The following PCDH7 variants were observed in gnomAD, a reference collection of about 807,000 sequenced individuals.
The protein encoded by PCDH7 is protocadherin-7.
In PCDH7, 17 loss-of-function variants were observed where a neutral mutation model predicts 58.9. That is an observed-to-expected ratio of 0.29 (90% CI 0.20 to 0.43). PCDH7 has a LOEUF of 0.43. Among genes scored for constraint, PCDH7 ranks in the 20% least tolerant of loss-of-function variants. The probability of loss-of-function intolerance (pLI) is 1.00; values close to 1 mark genes in which losing one functional copy is unlikely to be tolerated. For synonymous variants in PCDH7, 664 were observed against 616.4 expected (o/e 1.08, Z -1.14); for missense variants, 1,274 against 1,441.0 (o/e 0.88, Z 1.88).
Position 31,032,557 on chromosome 4 carries a change from G to A in PCDH7, c.*7+82342G>A, listed in dbSNP as rs530971159. Among the ~76,000 whole-genome samples, 10 of 149,098 alleles carry A rather than the reference G, an allele frequency of 6.7e-5. No homozygotes were observed. In the South Asian group the frequency reaches 8.6e-4, roughly 13 times the overall value. On this transcript the variant is annotated intron_variant, in intron 3 of 3. Transcript: ENST00000509759. ...CAGGAGGTGGAGGTTTCAGTGAGCC[G>A]AGAATGTGCCACTGCACTCCAGCCT...
At chr4:31,011,276 G>C (rs981261888) in intron 3 of PCDH7, among the ~76,000 whole-genome samples, 1 of 151,998 alleles carries the variant, frequency 6.6e-6, no homozygotes, top group Admixed American at 6.6e-5. Flanking sequence ...TTAAAGTACT[G>C]TGCCGCTGTA....
chr4:30,831,032 A>G (rs1451257223), intron 1 of PCDH7, among the ~76,000 whole-genome samples: 1 of 152,082 alleles, frequency 6.6e-6, no homozygotes, highest in Non-Finnish European at 1.5e-5. Flanking sequence ...TTCTGAAAGT[A>G]TGGGTGTGCC....
At chr4:30,981,102 A>G (rs1750519312) in intron 3 of PCDH7, among the ~76,000 whole-genome samples, 1 of 152,186 alleles carries the variant, frequency 6.6e-6, no homozygotes, top group Admixed American at 6.5e-5. Flanking sequence ...TTGGCCTCCC[A>G]AAGTGCTGGG....
intron 3 of PCDH7, among the ~76,000 whole-genome samples, chr4:31,020,366 T>C (rs73214976): frequency 0.15 from 22,566 of 152,236 alleles, 1,947 homozygotes; most frequent in African/African-American, 0.23. Context: ...TCTCTCCCTC[T>C]CTCGCACGCG....
rs1257646695 is a variant in PCDH7 at position 31,098,366 on chromosome 4, T to C, written c.*8-44107T>C. Among the ~76,000 whole-genome samples, 3 of 152,228 alleles carry C rather than the reference T, an allele frequency of 2.0e-5. No individual in the cohort carries two copies. In the East Asian group the frequency reaches 5.8e-4, roughly 29 times the overall value. ...TCACATATTAATAAAAAGGATTATA[T>C]AGTGAGCACCTATTTTATATCAATT... On this transcript the variant is annotated intron_variant, in intron 3 of 3. Coordinates refer to the PCDH7 transcript ENST00000509759.
chr4:30,816,745 G>A (rs2109318047), intron 1 of PCDH7, among the ~76,000 whole-genome samples: 1 of 152,106 alleles, frequency 6.6e-6, no homozygotes, highest in Admixed American at 6.5e-5. Flanking sequence ...GTGAATTTGA[G>A]CCAGAATTGC....
chr4:30,820,378 G>A (rs556115751), intron 1 of PCDH7, among the ~76,000 whole-genome samples: 27 of 152,104 alleles, frequency 1.8e-4, no homozygotes, highest in Non-Finnish European at 1.8e-4. Context: ...TGTAGGAAGT[G>A]ACACATTAAA....
intron 1 of PCDH7, among the ~76,000 whole-genome samples, chr4:30,876,806 T>C (rs1736343060): frequency 6.6e-6 from 1 of 152,010 alleles, no homozygotes; most frequent in South Asian, 2.1e-4. Flanking sequence ...GCTACATAGG[T>C]ATACATGTGC....
At chr4:30,878,434 G>A (rs1012341170) in intron 1 of PCDH7, among the ~76,000 whole-genome samples, 12 of 152,104 alleles carry the variant, frequency 7.9e-5, no homozygotes, top group African/African-American at 2.2e-4. Context: ...GTACTAGGAG[G>A]GAGAATGGTA....
At chr4:30,968,376 C>CTATATATATACATATATATA in intron 3 of PCDH7, among the ~76,000 whole-genome samples, 1 of 67,056 alleles carries the variant, frequency 1.5e-5, no homozygotes, top group Admixed American at 1.8e-4. Flanking sequence ...TATACACACA[C>CTATATATATACATATATATA]TATATATATA....
chr4:30,872,036 C>A (rs1328858882), intron 1 of PCDH7, among the ~76,000 whole-genome samples: 1 of 152,050 alleles, frequency 6.6e-6, no homozygotes. Context: ...ATTACATCTG[C>A]ATATTTTTTC....
intron 1 of PCDH7, among the ~76,000 whole-genome samples, chr4:30,893,144 T>C (rs947338321): frequency 2.0e-5 from 3 of 152,104 alleles, no homozygotes; most frequent in Non-Finnish European, 4.4e-5. Flanking sequence ...ATTTGTTCTG[T>C]GTCACATACT....
At chr4:30,820,244 A>G (rs1728216125) in intron 1 of PCDH7, among the ~76,000 whole-genome samples, 1 of 152,188 alleles carries the variant, frequency 6.6e-6, no homozygotes, top group South Asian at 2.1e-4. Context: ...GTGTGAGAGA[A>G]AGTCCTTGTC....
At chr4:30,724,324 A>C in exon 1 of PCDH7, 1 of 1,614,142 alleles carries the variant, frequency 6.2e-7, no homozygotes, top group Non-Finnish European at 8.5e-7. Context: ...TGATAGTGTC[A>C]ATGAGAAGCT....
At chr4:30,968,887 C>T (rs1050757235) in intron 3 of PCDH7, among the ~76,000 whole-genome samples, 1 of 152,122 alleles carries the variant, frequency 6.6e-6, no homozygotes, top group Non-Finnish European at 1.5e-5. Flanking sequence ...TACCCTGTTA[C>T]AATTTTTCTG....
Position 30,867,690 on chromosome 4 carries a change from C to A in PCDH7, c.71-52463C>A, listed in dbSNP as rs370499674. ...ATTCACTGGTGCCGCCACTTCCTTG[C>A]GAGAAAGGGGAAAACAGACATGCAG... On this transcript the variant is annotated intron_variant, in intron 1 of 3. Coordinates refer to the PCDH7 transcript ENST00000509759. Among the ~76,000 whole-genome samples, 199 of 152,028 alleles carry A rather than the reference C, an allele frequency of 1.3e-3. 2 individuals carry two copies. In the Middle Eastern group the frequency reaches 0.034, roughly 26 times the overall value.
At position 30,721,040 on chromosome 4, in the gene PCDH7, G is replaced by T. The variant is rs558426103; in HGVS notation, c.-383G>T. ...GCCCCTTCCGACAGAGCGGGGACTA[G>T]AGCCGGGGATTCTCCGCCCGCTGAG... is the stretch of plus-strand genomic sequence containing the variant. On this transcript the variant is annotated 5_prime_UTR_variant, in exon 1 of 2. Coordinates refer to ENST00000361762, the Ensembl canonical transcript of PCDH7. This position sits in a 1 kb window ranked among gnomAD's most constrained non-coding sequence, Gnocchi z 6.7. The T allele has an allele frequency of 4.7e-6, 1 of 213,900 alleles. No homozygotes were observed. The highest frequency in any genetic ancestry group is 1.3e-4 in the South Asian group (1 of 7,768). 13.3% of individuals were successfully genotyped at this position (213,900 alleles called of 1,614,324 possible).
chr4:30,779,640 CTGTT>C (rs985983687), intron 1 of PCDH7, among the ~76,000 whole-genome samples: 10 of 152,280 alleles, frequency 6.6e-5, no homozygotes, highest in Non-Finnish European at 1.2e-4. Flanking sequence ...AAAGAGGAAA[CTGTT>C]TGTAATTTCT....
intron 2 of PCDH7, among the ~76,000 whole-genome samples, chr4:30,924,435 A>G (rs184309759): frequency 6.6e-6 from 1 of 152,342 alleles, no homozygotes; most frequent in African/African-American, 2.4e-5. Context: ...CATTTGTCTC[A>G]TAGTAAGATA....
Sources: allele counts gnomAD v4.1 joint callset (sites outside exome capture counted in the v4.1 genomes callset), GRCh38; gene constraint gnomAD v4.1.1; non-coding constraint Gnocchi (gnomAD v3.1); transcripts MANE v1.5; gene names NCBI Gene and HGNC (gene_info 2026-07-23, HGNC 2026-07-21).